GADL1: variants seen among roughly 807,000 people sequenced by gnomAD.
The protein encoded by GADL1 is acidic amino acid decarboxylase GADL1.
GADL1 carries 71 observed loss-of-function variants against 69.5 expected under a neutral mutation model. The ratio of observed to expected loss-of-function variants is 1.02; its 90% CI spans 0.84 to 1.25. GADL1 has a LOEUF of 1.25. GADL1 is among the 50% of genes most tolerant of loss of function. GADL1 has a pLI of 0.00. For missense variants in GADL1, 737 were observed against 631.8 expected (o/e 1.17, Z -1.79); for synonymous variants, 254 against 214.4 (o/e 1.18, Z -1.62).
At chr3:30,856,190 T>G (rs1262194797) in intron 3 of GADL1, among the ~76,000 whole-genome samples, 1 of 152,096 alleles carries the variant, frequency 6.6e-6, no homozygotes, top group Non-Finnish European at 1.5e-5. Flanking sequence ...TTAGCCAGAA[T>G]TTTACTATGT....
At chr3:30,746,347 A>G (rs1695702972) in intron 14 of GADL1, among the ~76,000 whole-genome samples, 2 of 152,104 alleles carry the variant, frequency 1.3e-5, no homozygotes, top group African/African-American at 4.8e-5. Context: ...CTCACTGCAG[A>G]CCTACTGAGC....
chr3:30,751,122 G>T (rs1357329950), intron 14 of GADL1, among the ~76,000 whole-genome samples: 1 of 149,952 alleles, frequency 6.7e-6, no homozygotes, highest in Non-Finnish European at 1.5e-5. Context: ...AGATTGGGCA[G>T]CTTACGGGCC....
chr3:30,806,804 G>A (rs1294957203), intron 11 of GADL1, among the ~76,000 whole-genome samples: 3 of 152,172 alleles, frequency 2.0e-5, no homozygotes, highest in Non-Finnish European at 4.4e-5. Context: ...TAAGGAGGTG[G>A]GCCATAGCTG....
chr3:30,844,078 T>G, intron 8 of GADL1, 132 bp downstream of exon 8: 1 of 687,692 alleles, frequency 1.5e-6, no homozygotes, highest in Non-Finnish European at 2.5e-6. Flanking sequence ...ACATTCTCTC[T>G]CCTCTCTCCC....
intron 14 of GADL1, among the ~76,000 whole-genome samples, chr3:30,729,542 G>C (rs1430083574): frequency 6.6e-6 from 1 of 152,062 alleles, no homozygotes; most frequent in Non-Finnish European, 1.5e-5. Context: ...TTAGGTGAGG[G>C]GCATGAATCT....
At chr3:30,793,642 A>C (rs538014207) in intron 12 of GADL1, among the ~76,000 whole-genome samples, 39 of 152,330 alleles carry the variant, frequency 2.6e-4, no homozygotes, top group African/African-American at 8.9e-4. Flanking sequence ...CATATGCATT[A>C]ATGATAAACT....
intron 2 of GADL1, among the ~76,000 whole-genome samples, chr3:30,858,071 C>A (rs531032871): frequency 1.2e-4 from 19 of 152,036 alleles, no homozygotes; most frequent in Admixed American, 1.0e-3. Context: ...CCTACTATTC[C>A]TTTTTACAAA....
intron 14 of GADL1, among the ~76,000 whole-genome samples, chr3:30,761,346 A>C (rs2125485315): frequency 6.6e-6 from 1 of 152,324 alleles, no homozygotes; most frequent in Middle Eastern, 3.4e-3. Flanking sequence ...TCTAGACACA[A>C]ACAACTAAGT....
chr3:30,873,691 C>G (rs1698527116), intron 1 of GADL1, among the ~76,000 whole-genome samples: 1 of 151,898 alleles, frequency 6.6e-6, no homozygotes, highest in African/African-American at 2.4e-5. Context: ...TCCATTTAAC[C>G]AGCAATTTAA....
chr3:30,834,584 G>A (rs763974371), intron 9 of GADL1, among the ~76,000 whole-genome samples: 3 of 152,016 alleles, frequency 2.0e-5, no homozygotes, highest in Non-Finnish European at 4.4e-5. Context: ...CCCTCTTGAA[G>A]CTTAGACTCT....
chr3:30,757,970 G>C (rs1481467354), intron 14 of GADL1, among the ~76,000 whole-genome samples: 2 of 152,114 alleles, frequency 1.3e-5, no homozygotes, highest in East Asian at 1.9e-4. Flanking sequence ...TGAGTACCAT[G>C]GTGTTTATTC....
intron 1 of GADL1, among the ~76,000 whole-genome samples, chr3:30,862,874 A>G (rs1025298867): frequency 6.6e-6 from 1 of 151,966 alleles, no homozygotes; most frequent in Non-Finnish European, 1.5e-5. Context: ...TTTACACAAA[A>G]GTTGTATTTT....
intron 14 of GADL1, among the ~76,000 whole-genome samples, chr3:30,760,333 A>AT (rs1466006067): frequency 1.3e-5 from 2 of 152,016 alleles, no homozygotes; most frequent in East Asian, 1.9e-4. Flanking sequence ...ATGTTCCTCA[A>AT]TTTTTGCTTC....
At chr3:30,848,766 T>A (rs1698096455) in intron 6 of GADL1, among the ~76,000 whole-genome samples, 1 of 152,302 alleles carries the variant, frequency 6.6e-6, no homozygotes, top group South Asian at 2.1e-4. Context: ...GTTAATATTT[T>A]AAAAAATCTA....
intron 1 of GADL1, among the ~76,000 whole-genome samples, chr3:30,878,737 C>T (rs1247706581): frequency 5.9e-5 from 9 of 151,786 alleles, no homozygotes; most frequent in East Asian, 3.9e-4. Flanking sequence ...TTGTTTTAAG[C>T]GTATTGTGGT....
intron 13 of GADL1, among the ~76,000 whole-genome samples, chr3:30,782,472 C>T (rs925810488): frequency 6.6e-6 from 1 of 151,750 alleles, no homozygotes; most frequent in Non-Finnish European, 1.5e-5. Flanking sequence ...TTCTAATGAC[C>T]AAAAGAAGAA....
At chr3:30,754,262 G>A (rs1695909421) in intron 14 of GADL1, among the ~76,000 whole-genome samples, 2 of 152,134 alleles carry the variant, frequency 1.3e-5, no homozygotes, top group Non-Finnish European at 2.9e-5. Flanking sequence ...ATTTTTTCAA[G>A]ATGTGTAAAG....
At chr3:30,749,221 A>G (rs1056219084) in intron 14 of GADL1, among the ~76,000 whole-genome samples, 2 of 151,880 alleles carry the variant, frequency 1.3e-5, no homozygotes, top group Non-Finnish European at 2.9e-5. Context: ...TTAAATGGAA[A>G]TAAATGCTGT....
At chr3:30,763,959 T>C (rs1696205197) in intron 14 of GADL1, among the ~76,000 whole-genome samples, 1 of 152,152 alleles carries the variant, frequency 6.6e-6, no homozygotes, top group Non-Finnish European at 1.5e-5. Context: ...ATCTTCCCAT[T>C]GACTTTTTTC....
Sources: allele counts gnomAD v4.1 joint callset (sites outside exome capture counted in the v4.1 genomes callset), GRCh38; gene constraint gnomAD v4.1.1; transcripts MANE v1.5; gene names NCBI Gene and HGNC (gene_info 2026-07-23, HGNC 2026-07-21).